The following CYP4V2 variants were observed in gnomAD, a reference collection of about 807,000 sequenced individuals.
CYP4V2 encodes cytochrome P450 4V2.
Under a neutral mutation model 60.8 loss-of-function variants are expected in CYP4V2, and 55 were observed. The ratio of observed to expected loss-of-function variants is 0.90; its 90% CI spans 0.73 to 1.13. The LOEUF is 1.13. Among genes scored for constraint, CYP4V2 ranks in the 50% most tolerant of loss-of-function variants. The pLI, the probability that CYP4V2 is intolerant of heterozygous loss-of-function variation, is 0.00. For missense variants in CYP4V2, 675 were observed against 662.9 expected (o/e 1.02, Z -0.20); for synonymous variants, 239 against 236.8 (o/e 1.01, Z -0.08).
At chr4:186,198,887 G>A in intron 5 of CYP4V2, 70 bp from the exon 6 acceptor site, 1 of 1,610,242 alleles carries the variant, frequency 6.2e-7, no homozygotes. Flanking sequence ...TCAAGGCCAG[G>A]TACTAAAGAA....
chr4:186,192,768 T>C (rs1648168767), intron 1 of CYP4V2, among the ~76,000 whole-genome samples: 1 of 152,196 alleles, frequency 6.6e-6, no homozygotes, highest in Admixed American at 6.5e-5. Flanking sequence ...GCGAACTCGA[T>C]CTCAGAGTTT....
At position 186,197,052 on chromosome 4, in the gene CYP4V2, A is replaced by G; in HGVS notation, c.526A>G (p.Lys176Glu). The change falls in exon 4 of 11, where the codon AAA (lysine) becomes GAA (glutamate). Residue 176 changes from lysine (K) to glutamate (E), a missense_variant. Lys to Glu is a moderately conservative substitution (Grantham distance 56). Coordinates refer to ENST00000378802, the MANE Select transcript of CYP4V2 (RefSeq NM_207352.4). ...MNEQANILVK[K>E]LEKHINQEAF... The stretch of plus-strand genomic sequence containing the variant: ...TGAACAAGCAAATATATTGGTTAAG[A>G]AACTTGAAAAACACATTAACCAAGA... The G allele has an allele frequency of 6.2e-7, 1 of 1,613,732 alleles. No homozygotes were observed. The highest frequency in any genetic ancestry group is 8.5e-7 in the Non-Finnish European group (1 of 1,179,962).
At chr4:186,200,267 G>A (rs1307657605) in intron 6 of CYP4V2, among the ~76,000 whole-genome samples, 3 of 152,048 alleles carry the variant, frequency 2.0e-5, no homozygotes, top group Non-Finnish European at 4.4e-5. Context: ...CCACTTAGTA[G>A]CAGGTTTGGT....
chr4:186,197,557 G>A lies in CYP4V2; in HGVS notation c.629G>A (p.Gly210Asp). The change falls in exon 5 of 11, where the codon GGT becomes GAT. Residue 210 changes from glycine to aspartate, a missense_variant. Transcript: ENST00000378802. The stretch of plus-strand genomic sequence containing the variant: ...GAAACAGCTATGGGGAAGAATATTG[G>A]TGCTCAAAGTAATGATGATTCCGAG... ...ICETAMGKNI[G>D]AQSNDDSEYV... is the part of the protein sequence containing the mutation. 1 of 1,614,214 alleles carries A rather than the reference G, an allele frequency of 6.2e-7. No individual in the cohort carries two copies. The highest frequency in any genetic ancestry group is 2.2e-5 in the East Asian group (1 of 44,894).
chr4:186,206,877 T>C (rs1459217185), intron 8 of CYP4V2, among the ~76,000 whole-genome samples: 6 of 152,246 alleles, frequency 3.9e-5, no homozygotes, highest in Non-Finnish European at 5.9e-5. Flanking sequence ...TTAGTTTTGC[T>C]TAGATTGCCT....
rs971643592 is a variant in CYP4V2 at position 186,195,504 on chromosome 4, C to T, written c.328-499C>T. On this transcript the variant is annotated intron_variant, in intron 2 of 10. Coordinates refer to ENST00000378802, the MANE Select transcript of CYP4V2 (RefSeq NM_207352.4). This position sits in a 1 kb window ranked among gnomAD's most constrained non-coding sequence, Gnocchi z 4.1. ...ACGTGGACTCTGGGTGATCCGATCA[C>T]GTTCATGGCTTCCATTGCTGCCTCT... 3.9e-5 allele frequency among the ~76,000 whole-genome samples: 6 copies of T among 152,164 alleles called. No individual in the cohort carries two copies. The highest frequency in any genetic ancestry group is 1.4e-4 in the African/African-American group (6 of 41,452).
chr4:186,191,961 G>A lies in CYP4V2; in HGVS notation c.138G>A (p.Gln46=), dbSNP rs1735998232. Residue 46 remains glutamine (Q), a synonymous_variant, in exon 1 of 11, where the codon CAG becomes CAA. Transcript: ENST00000378802. ...CGAGCTACGCGCGGAAATGGCAGCA[G>A]ATGCGGCCCATCCCCACGGTGGCCC... is the stretch of plus-strand genomic sequence containing the variant. ...RVASYARKWQ[Q]MRPIPTVARA... The A allele has an allele frequency of 3.1e-6, 5 of 1,587,574 alleles. No homozygotes were observed. Among genetic ancestry groups the A allele is most frequent in the Middle Eastern group, 1.7e-4 (1 of 5,978 alleles).
rs759342059 is a variant in CYP4V2 at position 186,191,844 on chromosome 4, G to C, written c.21G>C (p.Gly7=). 6.3e-7 allele frequency: 1 copy of C among 1,576,210 alleles called. No individual in the cohort carries two copies. The highest frequency in any genetic ancestry group is 1.8e-5 in the Admixed American group (1 of 56,644). ...GGGCGATGGCGGGGCTCTGGCTGGG[G>C]CTCGTGTGGCAGAAGCTGCTGCTGT... is the stretch of plus-strand genomic sequence containing the variant. The part of the protein sequence containing the change: MAGLWL[G]LVWQKLLLWG... Residue 7 remains glycine, a synonymous_variant, in exon 1 of 11, where the codon GGG becomes GGC. Coordinates refer to ENST00000378802, the MANE Select transcript of CYP4V2 (RefSeq NM_207352.4).
intron 3 of CYP4V2, 171 bp from the exon 4 acceptor site, chr4:186,196,769 G>T: frequency 1.6e-6 from 1 of 628,068 alleles, no homozygotes; most frequent in Non-Finnish European, 2.8e-6. Context: ...ATAGATATGT[G>T]TATATCTTTG....
rs76777983 is a variant in CYP4V2, at chr4:186,207,883, C to T, written c.1091-982C>T. ...TCCGAGTACTTCCTATATATGGATT[C>T]GTACAATATGTGACCTTTAGTGTCT... is the stretch of plus-strand genomic sequence containing the variant. On this transcript the variant is annotated intron_variant, in intron 8 of 10. Coordinates refer to ENST00000378802, the MANE Select transcript of CYP4V2 (RefSeq NM_207352.4). Among the ~76,000 whole-genome samples, 54 of 152,266 alleles carry T rather than the reference C, an allele frequency of 3.5e-4. No individual in the cohort carries two copies. In the East Asian group the frequency reaches 3.9e-3, roughly 11 times the overall value.
intron 1 of CYP4V2, chr4:186,192,270 C>A (rs1371074514): frequency 2.8e-6 from 2 of 705,698 alleles, no homozygotes; most frequent in Non-Finnish European, 5.1e-6. Flanking sequence ...GCGGTATTTC[C>A]AAACCCCTGC....
rs557424144 is a variant in CYP4V2, at chr4:186,210,857, C to T, written c.*216C>T. 42 of 533,830 alleles carry T rather than the reference C, an allele frequency of 7.9e-5. No individual in the cohort carries two copies. The highest frequency in any genetic ancestry group is 3.2e-4 in the South Asian group (15 of 47,306). 33.1% of individuals were successfully genotyped at this position (533,830 alleles called of 1,614,324 possible). A position where few individuals can be genotyped will look rare whatever the true frequency, so the allele number is the denominator to read the frequency against. ...TTTCTTTATTTTTTTTTTTTGAAAC[C>T]GTGTCTCACTCTGTCGCCCAGGCTG... On this transcript the variant is annotated 3_prime_UTR_variant, in exon 11 of 11. Transcript: ENST00000378802.
At chr4:186,207,232 C>A (rs990553786) in intron 8 of CYP4V2, among the ~76,000 whole-genome samples, 1 of 151,780 alleles carries the variant, frequency 6.6e-6, no homozygotes, top group South Asian at 2.1e-4. Context: ...CACAGTGAAA[C>A]CCTGTCTCTA....
At chr4:186,199,196 A>G in intron 6 of CYP4V2, 113 bp downstream of exon 6, 1 of 1,141,992 alleles carries the variant, frequency 8.8e-7, no homozygotes, top group Admixed American at 2.0e-5. Flanking sequence ...GATGTTGTGC[A>G]ACCATCCCCA....
rs749940173 is a variant in CYP4V2, at chr4:186,201,164, C to G, written c.809C>G (p.Ala270Gly). 1.2e-6 allele frequency: 2 copies of G among 1,614,110 alleles called. No homozygotes were observed. Among genetic ancestry groups the G allele is most frequent in the South Asian group, 2.2e-5 (2 of 91,080 alleles). ...ILHTFTNSVI[A>G]ERANEMNANE... ...ATCATTCAAATCATACAGGTCATCG[C>G]TGAACGGGCCAATGAAATGAACGCC... Residue 270 changes from alanine (A) to glycine (G), a missense_variant, in exon 7 of 11, where the codon GCT (alanine) becomes GGT (glycine). By Grantham distance (60) the Ala-to-Gly change is moderately conservative. Coordinates refer to ENST00000378802, the MANE Select transcript of CYP4V2 (RefSeq NM_207352.4).
chr4:186,212,058 T>A lies in CYP4V2; in HGVS notation c.*1417T>A, dbSNP rs886059292. On this transcript the variant is annotated 3_prime_UTR_variant, in exon 11 of 11. Coordinates refer to ENST00000378802, the MANE Select transcript of CYP4V2 (RefSeq NM_207352.4). ...TATCTAGTTATGCTCCTTTATATTA[T>A]AAGTAAGGGAATAGAATCAATAAGA... 1 of 152,144 alleles carries A rather than the reference T, an allele frequency of 6.6e-6. No homozygotes were observed. The highest frequency in any genetic ancestry group is 1.5e-5 in the Non-Finnish European group (1 of 68,038). 9.4% of individuals were successfully genotyped at this position (152,144 alleles called of 1,614,324 possible).
intron 1 of CYP4V2, among the ~76,000 whole-genome samples, chr4:186,194,101 C>T (rs967827035): frequency 2.6e-5 from 4 of 152,220 alleles, no homozygotes; most frequent in South Asian, 2.1e-4. Flanking sequence ...ACTGCTTCAT[C>T]TGAGAGACAT....
intron 7 of CYP4V2, 72 bp from the exon 8 acceptor site, chr4:186,205,128 A>T: frequency 7.2e-7 from 1 of 1,395,648 alleles, no homozygotes; most frequent in Non-Finnish European, 1.0e-6. Context: ...ACAATTCAAA[A>T]GAGGTTTCTG....
Position 186,201,447 on chromosome 4 carries a change from A to G in CYP4V2, c.987+105A>G, listed in dbSNP as rs1483735600. ...AATCAAATTTTAAAGTAGTTTAACTAAAGAAGATTCATTATATTTTAATTA... is the reference window on the plus strand; with the variant it reads ...AATCAAATTTTAAAGTAGTTTAACTGAAGAAGATTCATTATATTTTAATTA... On this transcript the variant is annotated intron_variant, in intron 7 of 10. Coordinates refer to ENST00000378802, the MANE Select transcript of CYP4V2 (RefSeq NM_207352.4). 7.1e-6 allele frequency: 9 copies of G among 1,259,608 alleles called. No homozygotes were observed. The African/African-American group carries it at 1.2e-4, about 17-fold the overall frequency. 78.0% of individuals were successfully genotyped at this position (1,259,608 alleles called of 1,614,324 possible).
Sources: gnomAD v4.1 joint callset for allele counts (sites outside exome capture counted in the v4.1 genomes callset) on GRCh38, gnomAD v4.1.1 for gene constraint, Gnocchi (gnomAD v3.1) non-coding constraint, MANE v1.5 for transcripts, NCBI Gene and HGNC (gene_info 2026-07-23, HGNC 2026-07-21) for gene names.